The following EAPP variants were observed in gnomAD, a reference collection of about 807,000 sequenced individuals.
EAPP encodes E2F associated phosphoprotein.
Under a neutral mutation model 34.3 loss-of-function variants are expected in EAPP, and 38 were observed. The ratio of observed to expected loss-of-function variants is 1.11; its 90% confidence interval spans 0.85 to 1.45. EAPP has a LOEUF of 1.45. EAPP is among the 40% of genes most tolerant of loss of function. The probability of loss-of-function intolerance (pLI) is 0.00; values close to 1 mark genes in which losing one functional copy is unlikely to be tolerated. For missense variants in EAPP, 338 were observed against 343.7 expected (o/e 0.98, Z 0.13); for synonymous variants, 113 against 117.6 (o/e 0.96, Z 0.25).
At chr14:34,527,430 G>A (rs528444540) in intron 4 of EAPP, among the ~76,000 whole-genome samples, 17 of 152,146 alleles carry the variant, frequency 1.1e-4, no homozygotes, top group Middle Eastern at 3.4e-3. Context: ...TCAGGAAGCT[G>A]AACCAGGAGG....
intron 2 of EAPP, among the ~76,000 whole-genome samples, chr14:34,535,589 C>T (rs1270411224): frequency 1.3e-5 from 2 of 151,652 alleles, no homozygotes; most frequent in African/African-American, 2.4e-5. Flanking sequence ...CCTGCCACCA[C>T]GCCCGGCTAA....
chr14:34,539,117 G>A (rs1038697164), intron 1 of EAPP: 1 of 273,592 alleles, frequency 3.7e-6, no homozygotes, highest in Non-Finnish European at 7.5e-6. Context: ...TGGCAGTTTA[G>A]TCTTCAAGAT....
chr14:34,518,325 A>ATTTTTTTTTTTTTTTTTTTTT (rs71404852), intron 5 of EAPP, among the ~76,000 whole-genome samples: 1 of 74,086 alleles, frequency 1.3e-5, no homozygotes, highest in Non-Finnish European at 2.2e-5. Flanking sequence ...CTCCCTTTAG[A>ATTTTTTTTTTTTTTTTTTTTT]TTTTTTTTTT....
At chr14:34,519,411 T>C (rs1879839788) in intron 5 of EAPP, among the ~76,000 whole-genome samples, 1 of 152,020 alleles carries the variant, frequency 6.6e-6, no homozygotes, top group Non-Finnish European at 1.5e-5. Flanking sequence ...GGTGTGTGCC[T>C]GTAGTCCCAG....
At chr14:34,516,609 A>C in intron 5 of EAPP, 23 bp from the exon 6 acceptor site, 1 of 1,589,904 alleles carries the variant, frequency 6.3e-7, no homozygotes, top group East Asian at 2.2e-5. Flanking sequence ...TGAAATGGAG[A>C]ATTGGGGTTT....
intron 5 of EAPP, among the ~76,000 whole-genome samples, chr14:34,522,253 C>T (rs1310635969): frequency 1.3e-5 from 2 of 151,022 alleles, no homozygotes; most frequent in Non-Finnish European, 3.0e-5. Flanking sequence ...AGCCACTGTG[C>T]CCATAATTTT....
intron 5 of EAPP, 139 bp from the exon 6 acceptor site, chr14:34,516,725 A>G: frequency 1.2e-6 from 1 of 833,084 alleles, no homozygotes; most frequent in Non-Finnish European, 1.8e-6. Context: ...AGCAAGTTTA[A>G]AGAAATTTTA....
At position 34,529,344 on chromosome 14, in the gene EAPP, C is replaced by CT. The variant is rs540788718; in HGVS notation, c.470+13dup. ...TTTTTCTAAAGATTCTAAATATTAA[C>CT]TTTAAGTTCTTACCCCCTTCTCTGT... On this transcript the variant is annotated intron_variant, in intron 4 of 5. Coordinates refer to ENST00000250454, the MANE Select transcript of EAPP (RefSeq NM_018453.4). The CT allele has an allele frequency of 4.1e-5, 62 of 1,524,188 alleles. 1 individual carries two copies. In the Admixed American group the frequency reaches 7.9e-4, roughly 19 times the overall value. The allele number at this position is 1,524,188 out of a possible 1,614,324, so 94.4% of individuals were successfully genotyped here.
intron 3 of EAPP, among the ~76,000 whole-genome samples, chr14:34,531,399 G>C (rs796263929): frequency 2.0e-5 from 3 of 151,676 alleles, no homozygotes; most frequent in African/African-American, 7.3e-5. Context: ...TCAGGAGATC[G>C]AGACCATCCT....
At chr14:34,536,320 A>G in intron 1 of EAPP, 45 bp from the exon 2 acceptor site, 1 of 1,458,604 alleles carries the variant, frequency 6.9e-7, no homozygotes, top group South Asian at 1.4e-5. Context: ...TTTAAAAATT[A>G]AAATAATTTT....
Position 34,516,470 on chromosome 14 carries a change from T to C in EAPP, c.698A>G (p.Lys233Arg). ...ATCTTCCCGGTTAGACCTCATCTTC[T>C]TATGGACCCGCCTTTTCTTCCTGTT... The part of the protein sequence containing the change: ...SENRKKRRVH[K>R]KMRSNREDAA... The change falls in exon 6 of 6, where the codon AAG becomes AGG. Residue 233 changes from lysine to arginine, a missense_variant. Transcript: ENST00000250454. 1 of 1,614,192 alleles carries C rather than the reference T, an allele frequency of 6.2e-7. No individual in the cohort carries two copies. The highest frequency in any genetic ancestry group is 8.5e-7 in the Non-Finnish European group (1 of 1,180,040).
chr14:34,536,227 T>A lies in EAPP; in HGVS notation c.123A>T (p.Lys41Asn). Residue 41 changes from lysine to asparagine, a missense_variant, in exon 2 of 6, where the codon AAA becomes AAT. Transcript: ENST00000250454. ...TAAGACATTCTCTGATGAGTTTTCG[T>A]TTTTGGTCAGGAGTTCCATGTAAAA... ...DVLLHGTPDQ[K>N]RKLIRECLTG... is the part of the protein sequence containing the mutation. 2 of 1,612,256 alleles carry A rather than the reference T, an allele frequency of 1.2e-6. No individual in the cohort carries two copies. Among genetic ancestry groups the A allele is most frequent in the Non-Finnish European group, 1.7e-6 (2 of 1,179,408 alleles).
chr14:34,529,984 C>G (rs1880229367), intron 3 of EAPP, among the ~76,000 whole-genome samples: 1 of 151,980 alleles, frequency 6.6e-6, no homozygotes, highest in Non-Finnish European at 1.5e-5. Context: ...CCACTGCACT[C>G]CAGCCTGGGT....
At chr14:34,533,847 G>C (rs145256713) in intron 2 of EAPP, among the ~76,000 whole-genome samples, 7 of 152,190 alleles carry the variant, frequency 4.6e-5, no homozygotes, top group African/African-American at 1.7e-4. Context: ...CAGTCATACA[G>C]TATACCATGC....
chr14:34,529,667 G>A (rs140261318), intron 3 of EAPP, among the ~76,000 whole-genome samples, 192 bp from the exon 4 acceptor site: 5,823 of 152,128 alleles, frequency 0.038, 376 homozygotes, highest in African/African-American at 0.13. Flanking sequence ...ATCACCTGAC[G>A]TCAGGAGATC....
chr14:34,518,653 T>C (rs1879817288), intron 5 of EAPP, among the ~76,000 whole-genome samples: 1 of 152,146 alleles, frequency 6.6e-6, no homozygotes, highest in Non-Finnish European at 1.5e-5. Context: ...TTAATGTTTA[T>C]ATACCTGGGA....
At chr14:34,525,129 C>T (rs7153635) in intron 4 of EAPP, among the ~76,000 whole-genome samples, 116,935 of 151,874 alleles carry the variant, frequency 0.77, 46,117 homozygotes, top group Non-Finnish European at 0.85. Flanking sequence ...CACGAATCCA[C>T]GCTAATATAA....
chr14:34,534,617 T>C (rs1175685110), intron 2 of EAPP, among the ~76,000 whole-genome samples: 1 of 150,734 alleles, frequency 6.6e-6, no homozygotes, highest in Admixed American at 6.6e-5. Flanking sequence ...TTGTGTGTCT[T>C]TTTTTTTTAA....
chr14:34,534,611 G>A (rs1168197364), intron 2 of EAPP, among the ~76,000 whole-genome samples: 1 of 151,926 alleles, frequency 6.6e-6, no homozygotes, highest in Non-Finnish European at 1.5e-5. Context: ...GTAAGTTTGT[G>A]TGTCTTTTTT....
Sources: gnomAD v4.1 joint callset for allele counts (sites outside exome capture counted in the v4.1 genomes callset) on GRCh38, gnomAD v4.1.1 for gene constraint, MANE v1.5 for transcripts, NCBI Gene and HGNC (gene_info 2026-07-23, HGNC 2026-07-21) for gene names.